The following TYW1B variants were observed in gnomAD, a reference collection of about 807,000 sequenced individuals.
TYW1B encodes the protein tRNA-yW synthesizing protein 1 homolog B, also known as S-adenosyl-L-methionine-dependent tRNA 4-demethylwyosine synthase TYW1B.
TYW1B carries 73 observed loss-of-function variants against 86.9 expected under a neutral mutation model. The ratio of observed to expected loss-of-function variants is 0.84; its 90% CI spans 0.70 to 1.02. The LOEUF (loss-of-function observed/expected upper bound fraction) is 1.02, where lower values mean the gene tolerates loss of function less well. Ranked by LOEUF, TYW1B falls within the 50% of genes least tolerant of loss-of-function variation. TYW1B has a pLI of 0.00. For synonymous variants in TYW1B, 248 were observed against 292.8 expected (o/e 0.85, Z 1.56); for missense variants, 637 against 827.4 (o/e 0.77, Z 2.82).
intron 6 of TYW1B, among the ~76,000 whole-genome samples, chr7:72,779,704 C>T (rs1298507362): frequency 8.9e-6 from 1 of 112,042 alleles, no homozygotes; most frequent in Non-Finnish European, 1.8e-5. Context: ...GCGACAGAGA[C>T]TCTGCCTCAA....
At chr7:72,648,474 C>G (rs555931940) in intron 11 of TYW1B, among the ~76,000 whole-genome samples, 1 of 147,942 alleles carries the variant, frequency 6.8e-6, no homozygotes, top group Non-Finnish European at 1.5e-5. Context: ...ACCCAGGAGG[C>G]GGAGGTTGCA....
chr7:72,668,805 T>C (rs1383439780), intron 11 of TYW1B, among the ~76,000 whole-genome samples: 12 of 152,214 alleles, frequency 7.9e-5, no homozygotes, highest in African/African-American at 2.9e-4. Flanking sequence ...TAAATAACGC[T>C]AGGTTTTAAG....
chr7:72,645,190 T>C (rs535107406), intron 11 of TYW1B, among the ~76,000 whole-genome samples: 14 of 152,236 alleles, frequency 9.2e-5, no homozygotes, highest in African/African-American at 1.2e-4. Flanking sequence ...ACTGACTACA[T>C]TGAAATTGGC....
chr7:72,764,523 C>T (rs1238005007), intron 7 of TYW1B, among the ~76,000 whole-genome samples: 6 of 152,190 alleles, frequency 3.9e-5, no homozygotes, highest in Admixed American at 6.6e-5. Flanking sequence ...CCTCGTCATC[C>T]GCCCACCTCG....
rs1237216184 is a variant in TYW1B at position 72,627,497 on chromosome 7, TAACATAACATAACATAAATA to T, written c.1617+1370_1617+1389del. On this transcript the variant is annotated intron_variant, in intron 12 of 13. Transcript: ENST00000620995. ...TAACATAACATAACATAACATAACA[TAACATAACATAACATAAATA>T]AAATAAAATAAAATAAAATGTCATC... Among the ~76,000 whole-genome samples, 590 of 150,830 alleles carry T rather than the reference TAACATAACATAACATAAATA, an allele frequency of 3.9e-3. 2 individuals carry two copies. The highest frequency in any genetic ancestry group is 0.013 in the African/African-American group (534 of 40,982).
chr7:72,797,391 A>G (rs1788322826), intron 6 of TYW1B, among the ~76,000 whole-genome samples: 1 of 152,264 alleles, frequency 6.6e-6, no homozygotes, highest in South Asian at 2.1e-4. Context: ...GAACACACTG[A>G]TGTGCCTGGA....
intron 7 of TYW1B, among the ~76,000 whole-genome samples, chr7:72,773,150 G>C (rs1437024630): frequency 6.6e-6 from 1 of 151,960 alleles, no homozygotes; most frequent in Non-Finnish European, 1.5e-5. Flanking sequence ...AAGATACATA[G>C]GTTTCTATAA....
At chr7:72,602,886 A>ACACACACACACACACACAC (rs1585839572) in intron 13 of TYW1B, among the ~76,000 whole-genome samples, 1 of 139,556 alleles carries the variant, frequency 7.2e-6, no homozygotes, top group Non-Finnish European at 1.6e-5. Flanking sequence ...ACACACACAC[A>ACACACACACACACACACAC]ATGTTGATGG....
At position 72,713,702 on chromosome 7, in the gene TYW1B, A is replaced by C. The variant is rs371891315; in HGVS notation, c.1289T>G (p.Ile430Ser). The C allele has an allele frequency of 1.2e-5, 19 of 1,613,700 alleles. No individual in the cohort carries two copies. In the African/African-American group the frequency reaches 2.5e-4, roughly 22 times the overall value. Residue 430 changes from isoleucine to serine, a missense_variant, in exon 10 of 14, where the codon ATC becomes AGC. Coordinates refer to ENST00000620995, the MANE Select transcript of TYW1B (RefSeq NM_001145440.3). ...LVGEPIMYPE[I>S]NRFLKLLHQC... ...GTGGAGTAGCTTCAAAAACCTGTTG[A>C]TCTCTGGGTACATTATTGGTTCTCC...
At chr7:72,791,009 C>G (rs1554473269) in intron 6 of TYW1B, among the ~76,000 whole-genome samples, 1 of 152,148 alleles carries the variant, frequency 6.6e-6, no homozygotes. Flanking sequence ...TTACCAGTGG[C>G]CCAGGTGATT....
At chr7:72,686,086 A>C (rs1339882658) in intron 11 of TYW1B, among the ~76,000 whole-genome samples, 1 of 152,234 alleles carries the variant, frequency 6.6e-6, no homozygotes, top group East Asian at 1.9e-4. Context: ...CAACAGTGAC[A>C]GAAACTCTCA....
intron 6 of TYW1B, among the ~76,000 whole-genome samples, chr7:72,786,489 G>A (rs1362785437): frequency 6.6e-6 from 1 of 151,186 alleles, no homozygotes; most frequent in Non-Finnish European, 1.5e-5. Context: ...ATGGCCATAA[G>A]ATGAAAAAGC....
At chr7:72,712,932 C>T (rs188133668) in intron 10 of TYW1B, among the ~76,000 whole-genome samples, 28 of 152,274 alleles carry the variant, frequency 1.8e-4, no homozygotes, top group Non-Finnish European at 2.5e-4. Context: ...CCCAACTCCA[C>T]GTCTTTCTCA....
At chr7:72,617,686 G>GT (rs1812110585) in intron 12 of TYW1B, among the ~76,000 whole-genome samples, 1 of 152,192 alleles carries the variant, frequency 6.6e-6, no homozygotes, top group African/African-American at 2.4e-5. Context: ...TCTTTAAGGA[G>GT]TTCATTTTGT....
chr7:72,669,966 A>AATAC (rs1180226377), intron 11 of TYW1B, among the ~76,000 whole-genome samples: 1 of 150,890 alleles, frequency 6.6e-6, no homozygotes, highest in African/African-American at 2.4e-5. Flanking sequence ...TAAATAAATA[A>AATAC]ATAAATAAAT....
At chr7:72,785,331 T>A (rs1554472241) in intron 6 of TYW1B, among the ~76,000 whole-genome samples, 1 of 147,868 alleles carries the variant, frequency 6.8e-6, no homozygotes, top group African/African-American at 2.5e-5. Context: ...TAATATATAT[T>A]CTAATTCTAA....
intron 6 of TYW1B, among the ~76,000 whole-genome samples, chr7:72,788,828 C>T (rs558487262): frequency 3.3e-5 from 5 of 151,516 alleles, no homozygotes; most frequent in African/African-American, 4.9e-5. Context: ...CCATCATGCC[C>T]GGCCACATGT....
chr7:72,624,525 T>C (rs1812294593), intron 12 of TYW1B, among the ~76,000 whole-genome samples: 1 of 152,084 alleles, frequency 6.6e-6, no homozygotes, highest in South Asian at 2.1e-4. Flanking sequence ...AGCAGTATGC[T>C]CTATTCTGTA....
intron 8 of TYW1B, among the ~76,000 whole-genome samples, chr7:72,733,636 G>A (rs1459888858): frequency 6.6e-6 from 1 of 152,142 alleles, no homozygotes; most frequent in African/African-American, 2.4e-5. Context: ...ACTCCAGCCT[G>A]GGGGACAGAG....
Sources: allele counts gnomAD v4.1 joint callset (sites outside exome capture counted in the v4.1 genomes callset), GRCh38; gene constraint gnomAD v4.1.1; transcripts MANE v1.5; gene names NCBI Gene and HGNC (gene_info 2026-07-23, HGNC 2026-07-21).